The following LTBP1 variants were observed in gnomAD, a reference collection of about 807,000 sequenced individuals.
LTBP1 encodes latent transforming growth factor beta binding protein 1, also known as latent-transforming growth factor beta-binding protein 1.
LTBP1 carries 129 observed loss-of-function variants against 207.6 expected under a neutral mutation model. The ratio of observed to expected loss-of-function variants is 0.62; its 90% CI spans 0.54 to 0.72. The LOEUF is 0.72. LTBP1 is among the 30% of genes least tolerant of loss of function. The pLI is 0.00. For missense variants in LTBP1, 2,281 were observed against 2,217.2 expected, an observed-to-expected ratio of 1.03 and a Z score of -0.58; for synonymous variants, 963 against 833.7, an observed-to-expected ratio of 1.16 and a Z score of -2.67.
Position 32,947,249 on chromosome 2 carries a change from G to A in LTBP1, c.-76G>A. ...GCAGCTCTCGGGGGAGCCCGAACGCGCGGGGAAAGGCGAGCCGCACGGCCG... is the reference window on the plus strand; with the variant it reads ...GCAGCTCTCGGGGGAGCCCGAACGCACGGGGAAAGGCGAGCCGCACGGCCG... On this transcript the variant is annotated 5_prime_UTR_variant, in exon 1 of 34. Transcript: ENST00000404816. 4 of 1,118,816 alleles carry A rather than the reference G, an allele frequency of 3.6e-6. No homozygotes were observed. The highest frequency in any genetic ancestry group is 4.5e-6 in the Non-Finnish European group (4 of 892,446). 69.3% of individuals were successfully genotyped at this position (1,118,816 alleles called of 1,614,324 possible).
At chr2:33,252,009 G>A (rs2092699976) in intron 10 of LTBP1, among the ~76,000 whole-genome samples, 1 of 152,184 alleles carries the variant, frequency 6.6e-6, no homozygotes, top group African/African-American at 2.4e-5. Context: ...TTAAAGTTTA[G>A]GTATTGGATG....
At chr2:33,284,370 C>A (rs1573611919) in intron 19 of LTBP1, among the ~76,000 whole-genome samples, 1 of 152,198 alleles carries the variant, frequency 6.6e-6, no homozygotes, top group East Asian at 1.9e-4. Context: ...CACACATCAT[C>A]CCTAATGCTT....
chr2:33,390,124 T>C (rs1187425059), intron 32 of LTBP1, among the ~76,000 whole-genome samples: 1 of 152,184 alleles, frequency 6.6e-6, no homozygotes, highest in Non-Finnish European at 1.5e-5. Flanking sequence ...AGAGAAGAAT[T>C]GCCCTTTTGG....
rs1558682215 is a variant in LTBP1 at position 33,134,710 on chromosome 2, G to T, written c.1034-83G>T. 9 of 1,604,512 alleles carry T rather than the reference G, an allele frequency of 5.6e-6. No individual in the cohort carries two copies. In the Admixed American group the frequency reaches 1.0e-4, roughly 19 times the overall value. On this transcript the variant is annotated intron_variant, in intron 4 of 33. Coordinates refer to ENST00000404816, the MANE Select transcript of LTBP1 (RefSeq NM_206943.4). The surrounding 1 kb of genome is among the most constrained non-coding windows in gnomAD (Gnocchi z 4.4). The stretch of plus-strand genomic sequence containing the variant: ...TTGCTCCTTTCTTTTCTTTTTTTCT[G>T]TTTTTTTAAACCTTCCAAGGCAAGT...
intron 20 of LTBP1, 35 bp from the exon 21 acceptor site, chr2:33,300,416 C>G (rs1432782178): frequency 1.2e-6 from 2 of 1,607,228 alleles, no homozygotes; most frequent in Admixed American, 1.7e-5. Context: ...TGGGTAGTCT[C>G]TTTTTCAGAA....
At position 33,271,344 on chromosome 2, in the gene LTBP1, A is replaced by T. The variant is rs551657664; in HGVS notation, c.2618-2312A>T. Among the ~76,000 whole-genome samples the T allele has an allele frequency of 6.6e-5, 10 of 151,970 alleles. No individual in the cohort carries two copies. In the South Asian group the frequency reaches 2.1e-3, roughly 32 times the overall value. ...GGTCAACATGTCTTTCTGCTTTATG[A>T]AAATGTCAGAGATGAGTATAAAGAT... On this transcript the variant is annotated intron_variant, in intron 15 of 33. Transcript: ENST00000404816.
chr2:33,089,113 A>T (rs2078926418), intron 3 of LTBP1, among the ~76,000 whole-genome samples: 1 of 147,050 alleles, frequency 6.8e-6, no homozygotes, highest in African/African-American at 2.5e-5. Context: ...CCAAGATCGC[A>T]CCACTGCACT....
Position 33,301,425 on chromosome 2 carries a change from A to T in LTBP1, c.3359-97A>T, listed in dbSNP as rs1315029450. 10 of 1,379,976 alleles carry T rather than the reference A, an allele frequency of 7.2e-6. No homozygotes were observed. In the Middle Eastern group the frequency reaches 7.6e-4, roughly 104 times the overall value. The allele number at this position is 1,379,976 out of a possible 1,614,324, so 85.5% of individuals were successfully genotyped here. A position where few individuals can be genotyped will look rare whatever the true frequency, so the allele number is the denominator to read the frequency against. ...CATGATGGTCATTACTTGTATCAAC[A>T]TTGTCTTTCTAGAATTTACACTGAT... On this transcript the variant is annotated intron_variant, in intron 21 of 33. Transcript: ENST00000404816.
chr2:33,058,237 G>A (rs1413993993), intron 3 of LTBP1, among the ~76,000 whole-genome samples: 1 of 152,134 alleles, frequency 6.6e-6, no homozygotes, highest in Non-Finnish European at 1.5e-5. Context: ...TAAACATTGA[G>A]TAATAGAATT....
At chr2:33,098,936 C>T (rs1280216484) in intron 3 of LTBP1, among the ~76,000 whole-genome samples, 2 of 152,190 alleles carry the variant, frequency 1.3e-5, no homozygotes, top group Admixed American at 1.3e-4. Context: ...AAATTGGGTA[C>T]ATACCCAACT....
chr2:33,381,556 A>G (rs1382710639), intron 31 of LTBP1, among the ~76,000 whole-genome samples: 2 of 152,196 alleles, frequency 1.3e-5, no homozygotes, highest in African/African-American at 4.8e-5. Flanking sequence ...GTACAATTTA[A>G]TTGAACATTA....
intron 2 of LTBP1, among the ~76,000 whole-genome samples, chr2:32,991,104 G>C (rs1341975734): frequency 6.6e-6 from 1 of 152,088 alleles, no homozygotes; most frequent in African/African-American, 2.4e-5. Context: ...ATTTTCCTTT[G>C]TTTGAGTTTG....
chr2:33,097,670 T>C (rs1415156141), intron 3 of LTBP1, among the ~76,000 whole-genome samples: 1 of 152,204 alleles, frequency 6.6e-6, no homozygotes, highest in Non-Finnish European at 1.5e-5. Context: ...TTTTCTTCTG[T>C]CTATATAATT....
chr2:33,296,714 A>T (rs1219769768), intron 20 of LTBP1, among the ~76,000 whole-genome samples: 1 of 152,132 alleles, frequency 6.6e-6, no homozygotes, highest in South Asian at 2.1e-4. Context: ...TATAATGTCT[A>T]AAGTCTAGTA....
chr2:33,318,264 C>G (rs2094302169), intron 24 of LTBP1, among the ~76,000 whole-genome samples: 1 of 152,174 alleles, frequency 6.6e-6, no homozygotes, highest in Non-Finnish European at 1.5e-5. Context: ...CACCGTGGTT[C>G]TCCCATGTAA....
rs766228616 is a variant in LTBP1 at position 32,977,981 on chromosome 2, A to G, written c.565+29036A>G. 6.3e-4 allele frequency among the ~76,000 whole-genome samples: 96 copies of G among 151,994 alleles called. 1 individual carries two copies. The highest frequency in any genetic ancestry group is 1.8e-4 in the Non-Finnish European group (12 of 67,988). ...TTTTATTTTATTTGTAGCTATTGTA[A>G]TTGGGATTACTTTCTTGATTTCTTT... is the stretch of plus-strand genomic sequence containing the variant. On this transcript the variant is annotated intron_variant, in intron 2 of 33. Coordinates refer to ENST00000404816, the MANE Select transcript of LTBP1 (RefSeq NM_206943.4).
At chr2:33,194,073 G>GC (rs2088248979) in intron 7 of LTBP1, among the ~76,000 whole-genome samples, 1 of 152,086 alleles carries the variant, frequency 6.6e-6, no homozygotes, top group African/African-American at 2.4e-5. Context: ...TGCAAGGTCT[G>GC]CCTCCCGGGT....
At chr2:33,027,949 T>C (rs1278293123) in intron 3 of LTBP1, among the ~76,000 whole-genome samples, 3 of 152,232 alleles carry the variant, frequency 2.0e-5, no homozygotes, top group African/African-American at 7.2e-5. Flanking sequence ...GAAAACCATG[T>C]AAAGTTTGAT....
At position 33,360,657 on chromosome 2, in the gene LTBP1, A is replaced by G. The variant is rs548908384; in HGVS notation, c.4061A>G (p.Asn1354Ser). 36 of 1,613,496 alleles carry G rather than the reference A, an allele frequency of 2.2e-5. No homozygotes were observed. The highest frequency in any genetic ancestry group is 5.0e-5 in the Admixed American group (3 of 60,018). ...EEKKECYYNL[N>S]DASLCDNVLA... is the part of the protein sequence containing the mutation. ...AAGAAAGAATGCTACTATAATCTCA[A>G]TGACGCCAGTCTCTGTGATAATGTG... is the stretch of plus-strand genomic sequence containing the variant. The change falls in exon 27 of 34, where the codon AAT becomes AGT. Residue 1354 changes from asparagine to serine, a missense_variant. Asn to Ser is a conservative substitution (Grantham distance 46). Around this residue, in one of 3 missense-constraint regions of LTBP1, gnomAD observed 1,671 missense variants for 1,634.8 expected, o/e 1.02. Transcript: ENST00000404816.
Sources: allele counts gnomAD v4.1 joint callset (sites outside exome capture counted in the v4.1 genomes callset), GRCh38; gene constraint gnomAD v4.1.1; regional missense constraint gnomAD v4.1.1; non-coding constraint Gnocchi (gnomAD v3.1); transcripts MANE v1.5; gene names NCBI Gene and HGNC (gene_info 2026-07-23, HGNC 2026-07-21).